ZNF521: variants seen among roughly 807,000 people sequenced by gnomAD.
ZNF521 encodes the protein LYST-interacting protein 3.
ZNF521 carries 14 observed loss-of-function variants against 105.5 expected under a neutral mutation model. That is an observed-to-expected ratio of 0.13 (90% CI 0.09 to 0.21). The LOEUF (loss-of-function observed/expected upper bound fraction) is 0.21, where lower values mean the gene tolerates loss of function less well. ZNF521 is among the 10% of genes least tolerant of loss of function. ZNF521 has a pLI of 1.00. For synonymous variants in ZNF521, 635 were observed against 606.0 expected (o/e 1.05, Z -0.70); for missense variants, 1,233 against 1,629.7 (o/e 0.76, Z 4.19).
chr18:25,262,031 G>A (rs1280368898), intron 3 of ZNF521, among the ~76,000 whole-genome samples: 1 of 152,156 alleles, frequency 6.6e-6, no homozygotes, highest in African/African-American at 2.4e-5. Flanking sequence ...TTAAGAGACA[G>A]TAGCACAATG....
At chr18:25,296,742 C>T (rs1053483857) in intron 3 of ZNF521, among the ~76,000 whole-genome samples, 3 of 152,102 alleles carry the variant, frequency 2.0e-5, no homozygotes, top group Non-Finnish European at 4.4e-5. Context: ...ATGGTGAGCT[C>T]CACTAAGTTC....
At chr18:25,125,134 C>A (rs1401961957) in intron 5 of ZNF521, among the ~76,000 whole-genome samples, 6 of 152,036 alleles carry the variant, frequency 3.9e-5, no homozygotes, top group Admixed American at 3.9e-4. Flanking sequence ...ATATTTGATC[C>A]CATAAATCTA....
intron 5 of ZNF521, among the ~76,000 whole-genome samples, chr18:25,123,645 T>A (rs1354336630): frequency 2.0e-5 from 3 of 152,198 alleles, no homozygotes; most frequent in Non-Finnish European, 2.9e-5. Flanking sequence ...GTAGACTGTA[T>A]GCAGTGATTT....
intron 3 of ZNF521, among the ~76,000 whole-genome samples, chr18:25,272,751 G>A (rs112915501): frequency 3.3e-5 from 5 of 151,966 alleles, no homozygotes; most frequent in African/African-American, 4.8e-5. Flanking sequence ...ATCACACACC[G>A]GGGCCTGTTG....
intron 3 of ZNF521, among the ~76,000 whole-genome samples, chr18:25,230,075 G>A (rs1054469229): frequency 4.6e-5 from 7 of 152,080 alleles, no homozygotes; most frequent in Admixed American, 1.3e-4. Context: ...TCAGTGACAC[G>A]TCAAGTGAGC....
At chr18:25,241,184 C>T (rs1033335307) in intron 3 of ZNF521, among the ~76,000 whole-genome samples, 4 of 152,104 alleles carry the variant, frequency 2.6e-5, no homozygotes, top group Non-Finnish European at 4.4e-5. Flanking sequence ...TCTTAATTGT[C>T]CATTATCTTA....
intron 5 of ZNF521, among the ~76,000 whole-genome samples, chr18:25,131,369 A>C (rs2034638090): frequency 6.6e-6 from 1 of 152,240 alleles, no homozygotes; most frequent in East Asian, 1.9e-4. Context: ...CAATTTTCCC[A>C]AGAAGTTTTG....
chr18:25,193,920 A>G (rs78149019), intron 5 of ZNF521, among the ~76,000 whole-genome samples: 2,482 of 151,952 alleles, frequency 0.016, 76 homozygotes, highest in African/African-American at 0.057. Flanking sequence ...ACAACCCCCC[A>G]GAAGACCTAT....
At chr18:25,222,361 T>C (rs1224739523) in intron 4 of ZNF521, among the ~76,000 whole-genome samples, 1 of 152,230 alleles carries the variant, frequency 6.6e-6, no homozygotes, top group Non-Finnish European at 1.5e-5. Context: ...GTGTAAATAC[T>C]ATTTATATGT....
chr18:25,119,324 C>T (rs4508490), intron 5 of ZNF521, among the ~76,000 whole-genome samples: 145,145 of 152,178 alleles, frequency 0.95, 69,329 homozygotes, highest in Middle Eastern at 0.99. Flanking sequence ...CTTGACCTAA[C>T]TGATAGCTAC....
intron 3 of ZNF521, among the ~76,000 whole-genome samples, chr18:25,317,995 T>C (rs994790259): frequency 1.3e-5 from 2 of 151,982 alleles, no homozygotes; most frequent in Non-Finnish European, 2.9e-5. Context: ...AAAACATATG[T>C]CCACAAAAAG....
chr18:25,139,431 C>A (rs530016951), intron 5 of ZNF521, among the ~76,000 whole-genome samples: 1,566 of 140,910 alleles, frequency 0.011, 25 homozygotes, highest in African/African-American at 0.039. Flanking sequence ...GCAAAGGAAT[C>A]TGTAGCAAAA....
chr18:25,135,707 C>T (rs896899223), intron 5 of ZNF521, among the ~76,000 whole-genome samples: 1 of 152,064 alleles, frequency 6.6e-6, no homozygotes, highest in Non-Finnish European at 1.5e-5. Flanking sequence ...TAGGGAACCC[C>T]CAGAGGACCT....
intron 3 of ZNF521, among the ~76,000 whole-genome samples, chr18:25,311,176 A>G (rs1052311404): frequency 1.3e-5 from 2 of 152,116 alleles, no homozygotes; most frequent in African/African-American, 4.8e-5. Flanking sequence ...CCCAAGACCT[A>G]TTAAGAGGTC....
At chr18:25,177,500 TCTACAC>T (rs1794742581) in intron 5 of ZNF521, among the ~76,000 whole-genome samples, 2 of 151,852 alleles carry the variant, frequency 1.3e-5, no homozygotes, top group Non-Finnish European at 2.9e-5. Flanking sequence ...AAGAAAAGAA[TCTACAC>T]CCGTTCTGAC....
intron 3 of ZNF521, among the ~76,000 whole-genome samples, chr18:25,272,462 C>A (rs1027372232): frequency 6.6e-6 from 1 of 152,108 alleles, no homozygotes; most frequent in Admixed American, 6.5e-5. Flanking sequence ...CACATGTACA[C>A]ATATGTTTAT....
chr18:25,182,979 G>A (rs886513171), intron 5 of ZNF521, among the ~76,000 whole-genome samples: 2 of 151,876 alleles, frequency 1.3e-5, no homozygotes, highest in African/African-American at 4.8e-5. Context: ...TTTGCCTAAG[G>A]CTCCTAGATA....
intron 2 of ZNF521, among the ~76,000 whole-genome samples, chr18:25,332,312 C>A: frequency 2.3e-5 from 3 of 129,716 alleles, no homozygotes; most frequent in African/African-American, 5.8e-5. Flanking sequence ...AATCCTATAA[C>A]ATAAGGCACA....
chr18:25,267,771 C>T (rs1300248253), intron 3 of ZNF521, among the ~76,000 whole-genome samples: 4 of 152,072 alleles, frequency 2.6e-5, no homozygotes, highest in South Asian at 2.1e-4. Flanking sequence ...AGACCCCATC[C>T]GAAGGTCACC....
Sources: allele counts gnomAD v4.1 joint callset (sites outside exome capture counted in the v4.1 genomes callset), GRCh38; gene constraint gnomAD v4.1.1; transcripts MANE v1.5; gene names NCBI Gene and HGNC (gene_info 2026-07-23, HGNC 2026-07-21).